CES4A: variants seen among roughly 807,000 people sequenced by gnomAD.
CES4A encodes carboxylesterase 4A, also known as carboxylesterase 6.
In CES4A, 48 loss-of-function variants were observed where a neutral mutation model predicts 65.4. The ratio of observed to expected loss-of-function variants is 0.73; its 90% CI spans 0.58 to 0.93. The LOEUF is 0.93. CES4A is among the 40% of genes least tolerant of loss of function. CES4A has a pLI of 0.00. For synonymous variants in CES4A, 247 were observed against 281.8 expected, an observed-to-expected ratio of 0.88 and a Z score of 1.24; for missense variants, 685 against 728.5, an observed-to-expected ratio of 0.94 and a Z score of 0.69.
At chr16:66,989,581 A>T (rs994948535) in intron 1 of CES4A, among the ~76,000 whole-genome samples, 1 of 151,990 alleles carries the variant, frequency 6.6e-6, no homozygotes, top group Admixed American at 6.6e-5. Flanking sequence ...AAGTTTTTTT[A>T]ACTTACAAGG....
In CES4A at chr16:67,000,998, G is replaced by A; in HGVS notation, c.536+8G>A. On this transcript the variant is annotated splice_region_variant and intron_variant, in intron 4 of 13. Transcript: ENST00000648724. This position sits in a 1 kb window ranked among gnomAD's most constrained non-coding sequence, Gnocchi z 4.2. ...CATCTTCGGCTTCCTGAGGTGGCGG[G>A]GCCGGTACCCTTTGGGACCGCAGCT... 6.2e-7 allele frequency: 1 copy of A among 1,612,302 alleles called. No homozygotes were observed. Among genetic ancestry groups the A allele is most frequent in the South Asian group, 1.1e-5 (1 of 90,960 alleles).
intron 1 of CES4A, among the ~76,000 whole-genome samples, chr16:66,992,418 T>C (rs1232899538): frequency 6.6e-6 from 1 of 152,218 alleles, no homozygotes; most frequent in Admixed American, 6.5e-5. Context: ...AGGTGTGCTC[T>C]ATTGCATCAA....
chr16:66,988,615 A>G (rs1964137065), exon 1 of CES4A: 2 of 1,434,950 alleles, frequency 1.4e-6, no homozygotes, highest in Non-Finnish European at 1.9e-6. Context: ...GCTGGTCAGA[A>G]GCTGGTTACA....
intron 1 of CES4A, among the ~76,000 whole-genome samples, chr16:66,993,614 G>A (rs1176975259): frequency 6.6e-6 from 1 of 152,124 alleles, no homozygotes; most frequent in Admixed American, 6.5e-5. Context: ...AAAGTGCTGG[G>A]ATTATAGGCG....
chr16:66,994,716 A>G lies in CES4A; in HGVS notation c.59-912A>G, dbSNP rs533929573. ...TAGCCAGGCATGGTGGTGCATGCCT[A>G]TAATTCCAGCTACTCGGGAGGCCGA... On this transcript the variant is annotated intron_variant, in intron 1 of 13. Transcript: ENST00000648724. 1.9e-4 allele frequency among the ~76,000 whole-genome samples: 29 copies of G among 151,226 alleles called. No individual in the cohort carries two copies. In the East Asian group the frequency reaches 5.1e-3, roughly 26 times the overall value.
At position 67,003,431 on chromosome 16, in the gene CES4A, C is replaced by T; in HGVS notation, c.900+71C>T. 6.3e-7 allele frequency: 1 copy of T among 1,585,836 alleles called. No individual in the cohort carries two copies. The highest frequency in any genetic ancestry group is 1.7e-5 in the Admixed American group (1 of 59,974). On this transcript the variant is annotated intron_variant, in intron 7 of 13. Transcript: ENST00000648724. The surrounding 1 kb of genome is among the most constrained non-coding windows in gnomAD (Gnocchi z 4.2). ...TCCTCCTATCCTGGTACCCAGCCACCCCCAACTACTTCCCCAGGGACCCTG... is the reference window on the plus strand; with the variant it reads ...TCCTCCTATCCTGGTACCCAGCCACTCCCAACTACTTCCCCAGGGACCCTG...
intron 13 of CES4A, chr16:67,008,718 T>C: frequency 2.4e-6 from 1 of 420,518 alleles, no homozygotes; most frequent in Middle Eastern, 6.7e-4. Context: ...ACTCTGTTTT[T>C]ACCTAACTCT....
In CES4A at chr16:67,001,080, T is replaced by TG. The variant is rs747522815; in HGVS notation, c.536+98dup. On this transcript the variant is annotated intron_variant, in intron 4 of 13. Coordinates refer to ENST00000648724, the Ensembl canonical transcript of CES4A. This position sits in a 1 kb window ranked among gnomAD's most constrained non-coding sequence, Gnocchi z 4.1. ...GGAGGGGCGGGGCCTGGGGCGGGGA[T>TG]GGGGGGGGTGGGGCCGCGAGGCGGG... 0.019 allele frequency: 3,060 copies of TG among 163,782 alleles called. 12 individuals are homozygous for TG. Among genetic ancestry groups the TG allele is most frequent in the Non-Finnish European group, 0.025 (2,201 of 88,468 alleles). 10.1% of individuals were successfully genotyped at this position (163,782 alleles called of 1,614,324 possible). A position where few individuals can be genotyped will look rare whatever the true frequency, so the allele number is the denominator to read the frequency against.
intron 9 of CES4A, 36 bp downstream of exon 9, chr16:67,004,260 C>A: frequency 1.2e-6 from 2 of 1,611,428 alleles, no homozygotes; most frequent in South Asian, 1.1e-5. Context: ...TCTTGCCTTA[C>A]GTAAGTGAGT....
intron 1 of CES4A, among the ~76,000 whole-genome samples, chr16:66,989,382 A>G (rs551974875): frequency 6.6e-6 from 1 of 151,522 alleles, no homozygotes; most frequent in South Asian, 2.1e-4. Flanking sequence ...GGTAACCATT[A>G]TCCAGATCAA....
rs933126104 is a variant in CES4A at position 67,001,555 on chromosome 16, G to A, written c.690+94G>A. ...CTGCACAGGCCATGTGCAGATTTGC[G>A]TGTACAGGAACGTGCCTGCCACAGA... On this transcript the variant is annotated intron_variant, in intron 5 of 13. Transcript: ENST00000648724. This position sits in a 1 kb window ranked among gnomAD's most constrained non-coding sequence, Gnocchi z 4.1. The A allele has an allele frequency of 1.4e-6, 2 of 1,418,928 alleles. No homozygotes were observed. Among genetic ancestry groups the A allele is most frequent in the South Asian group, 1.4e-5 (1 of 71,868 alleles). 87.9% of individuals were successfully genotyped at this position (1,418,928 alleles called of 1,614,324 possible).
intron 11 of CES4A, chr16:67,005,620 G>A (rs1179316165): frequency 2.1e-6 from 1 of 478,804 alleles, no homozygotes; most frequent in East Asian, 4.0e-5. Context: ...GCCGAAGTGG[G>A]TGGATCATTT....
rs759191674 is a variant in CES4A, at chr16:67,005,400, A to G, written c.1315+7A>G. 1.2e-6 allele frequency: 2 copies of G among 1,612,812 alleles called. No homozygotes were observed. Among genetic ancestry groups the G allele is most frequent in the Admixed American group, 3.3e-5 (2 of 59,842 alleles). ...ACTGCTCACTACCACCGAGGTATGC[A>G]GGGTCCCCAAGAGTGGCCACACTGG... On this transcript the variant is annotated splice_region_variant and intron_variant, in intron 11 of 13. Coordinates refer to ENST00000648724, the Ensembl canonical transcript of CES4A.
chr16:67,006,379 C>A lies in CES4A; in HGVS notation c.1316-12C>A. 1 of 1,536,544 alleles carries A rather than the reference C, an allele frequency of 6.5e-7. No homozygotes were observed. ...CTTTTCCTGCATCCCTCCTCAGTTT[C>A]CCTATTCACAGATGCCGGCCTCCCT... On this transcript the variant is annotated splice_polypyrimidine_tract_variant and intron_variant, in intron 11 of 13. Coordinates refer to ENST00000648724, the Ensembl canonical transcript of CES4A.
At chr16:67,006,651 C>A (rs1965783747) in intron 12 of CES4A, 94 bp from the exon 13 acceptor site, 2 of 1,542,986 alleles carry the variant, frequency 1.3e-6, no homozygotes, top group Non-Finnish European at 1.8e-6. Context: ...AAATGAAAGT[C>A]TTCTGCTCCG....
chr16:66,995,065 A>T (rs1407916024), intron 1 of CES4A, among the ~76,000 whole-genome samples: 1 of 151,448 alleles, frequency 6.6e-6, no homozygotes, highest in African/African-American at 2.4e-5. Flanking sequence ...TAATCCCAGC[A>T]CTTTGGGAGG....
At chr16:67,004,051 G>A (rs1387972549) in intron 8 of CES4A, 33 bp from the exon 9 acceptor site, 1 of 1,612,238 alleles carries the variant, frequency 6.2e-7, no homozygotes, top group Non-Finnish European at 8.5e-7. Flanking sequence ...GGATACTTGA[G>A]GAGACTGGCT....
At chr16:67,006,541 C>G (rs1227727146) in intron 12 of CES4A, 22 bp downstream of exon 12, 1 of 1,541,766 alleles carries the variant, frequency 6.5e-7, no homozygotes, top group African/African-American at 1.4e-5. Flanking sequence ...CCACCTGATA[C>G]CCCAACTGGG....
At chr16:67,005,580 C>A in intron 11 of CES4A, 187 bp downstream of exon 11, 1 of 582,880 alleles carries the variant, frequency 1.7e-6, no homozygotes, top group Non-Finnish European at 2.9e-6. Context: ...GGCACGGTGG[C>A]TCACACCTGT....
Sources: gnomAD v4.1 joint callset for allele counts (sites outside exome capture counted in the v4.1 genomes callset) on GRCh38, gnomAD v4.1.1 for gene constraint, Gnocchi (gnomAD v3.1) non-coding constraint, MANE v1.5 for transcripts, NCBI Gene and HGNC (gene_info 2026-07-23, HGNC 2026-07-21) for gene names.